The following ANKRD13D variants were observed in gnomAD, a reference collection of about 807,000 sequenced individuals.
ANKRD13D encodes ankyrin repeat domain 13D.
In ANKRD13D, 24 loss-of-function variants were observed where a neutral mutation model predicts 68.8. The observed-to-expected ratio is 0.35, with a 90% CI of 0.25 to 0.49. ANKRD13D has a LOEUF of 0.49. Ranked by LOEUF, ANKRD13D falls within the 20% of genes least tolerant of loss-of-function variation. ANKRD13D has a pLI of 0.99. For synonymous variants in ANKRD13D, 331 were observed against 336.1 expected (o/e 0.98, Z 0.16); for missense variants, 735 against 832.1 (o/e 0.88, Z 1.44).
In ANKRD13D at chr11:67,289,387, C is replaced by T. The variant is rs1231023296; in HGVS notation, c.-74C>T. The T allele has an allele frequency of 9.6e-6, 11 of 1,141,482 alleles. No homozygotes were observed. Among genetic ancestry groups the T allele is most frequent in the Admixed American group, 9.1e-5 (2 of 22,048 alleles). 70.7% of individuals were successfully genotyped at this position (1,141,482 alleles called of 1,614,324 possible). On this transcript the variant is annotated 5_prime_UTR_variant, in exon 1 of 15. Coordinates refer to ENST00000511455, the MANE Select transcript of ANKRD13D (RefSeq NM_207354.3). ...CGCGGGGGGCGCAGCTGGGGCGCGG[C>T]TCGGAGGGGAGGCTAGGGGGCCGTG...
Position 67,301,332 on chromosome 11 carries a change from T to C in ANKRD13D, c.1282T>C (p.Cys428Arg). 1 of 1,613,856 alleles carries C rather than the reference T, an allele frequency of 6.2e-7. No homozygotes were observed. Among genetic ancestry groups the C allele is most frequent in the Non-Finnish European group, 8.5e-7 (1 of 1,179,908 alleles). ...LNARITFSNL[C>R]GCDEPLSSVW... ...TGCCCGCATCACCTTCAGCAACCTG[T>C]GTGGCTGTGATGAGCCCCTGAGCTC... Residue 428 changes from cysteine to arginine, a missense_variant, in exon 12 of 15, where the codon TGT becomes CGT. Transcript: ENST00000511455. The surrounding 1 kb of genome is among the most constrained non-coding windows in gnomAD (Gnocchi z 4.5).
At chr11:67,289,807 G>T in intron 1 of ANKRD13D, 2 of 1,422,718 alleles carry the variant, frequency 1.4e-6, no homozygotes, top group Non-Finnish European at 1.8e-6. Context: ...CTGAGAACAA[G>T]AACTCTGGTC....
rs370090490 is a variant in ANKRD13D at position 67,302,299 on chromosome 11, G to A, written c.1785G>A (p.Gln595=). Residue 595 remains glutamine, a synonymous_variant, in exon 15 of 15, where the codon CAG becomes CAA. Transcript: ENST00000511455. ...GGCAGCAGGAGGAGGAGGACTTACA[G>A]CGGATCCTGCAGCTGTCACTCACTG... ...RRGQQEEEDL[Q]RILQLSLTEH 13 of 1,553,552 alleles carry A rather than the reference G, an allele frequency of 8.4e-6. No individual in the cohort carries two copies. The highest frequency in any genetic ancestry group is 1.4e-5 in the African/African-American group (1 of 73,686).
At position 67,300,364 on chromosome 11, in the gene ANKRD13D, A is replaced by C. The variant is rs547839566; in HGVS notation, c.1073+241A>C. On this transcript the variant is annotated intron_variant, in intron 10 of 14. Transcript: ENST00000511455. This position sits in a 1 kb window ranked among gnomAD's most constrained non-coding sequence, Gnocchi z 4.3. ...TGGTGCCACCCATGTATGGTTTTCT[A>C]TTGAATTTCATGAGTACCTGCTGGG... 3 of 538,592 alleles carry C rather than the reference A, an allele frequency of 5.6e-6. No individual in the cohort carries two copies. Among genetic ancestry groups the C allele is most frequent in the Non-Finnish European group, 6.4e-6 (2 of 312,452 alleles). The allele number at this position is 538,592 out of a possible 1,614,324, so 33.4% of individuals were successfully genotyped here.
At position 67,289,466 on chromosome 11, in the gene ANKRD13D, C is replaced by T; in HGVS notation, c.6C>T (p.Ala2=). The T allele has an allele frequency of 1.3e-6, 2 of 1,494,336 alleles. No homozygotes were observed. Among genetic ancestry groups the T allele is most frequent in the South Asian group, 2.5e-5 (2 of 79,768 alleles). 92.6% of individuals were successfully genotyped at this position (1,494,336 alleles called of 1,614,324 possible). The change falls in exon 1 of 15, where the codon GCC becomes GCT. Residue 2 remains alanine (A), a synonymous_variant. Coordinates refer to ENST00000511455, the MANE Select transcript of ANKRD13D (RefSeq NM_207354.3). The stretch of plus-strand genomic sequence containing the variant: ...ATGCGGCGCTGAGGCCCAGCATGGC[C>T]GGCCCGGGCCCCACCTTCCCGCTGC... M[A]GPGPTFPLHR...
rs1860931453 is a variant in ANKRD13D, at chr11:67,300,346, A to C, written c.1073+223A>C. The stretch of plus-strand genomic sequence containing the variant: ...TTGTCTTTGATGAATGGATGGTGCC[A>C]CCCATGTATGGTTTTCTATTGAATT... On this transcript the variant is annotated intron_variant, in intron 10 of 14. Coordinates refer to ENST00000511455, the MANE Select transcript of ANKRD13D (RefSeq NM_207354.3). This position sits in a 1 kb window ranked among gnomAD's most constrained non-coding sequence, Gnocchi z 4.3. 3.4e-6 allele frequency: 2 copies of C among 587,960 alleles called. No homozygotes were observed. Among genetic ancestry groups the C allele is most frequent in the Non-Finnish European group, 5.8e-6 (2 of 347,302 alleles). The allele number at this position is 587,960 out of a possible 1,614,324, so 36.4% of individuals were successfully genotyped here.
chr11:67,299,869 A>G lies in ANKRD13D; in HGVS notation c.923A>G (p.Gln308Arg), dbSNP rs761426012. The G allele has an allele frequency of 1.3e-6, 2 of 1,543,344 alleles. No individual in the cohort carries two copies. The highest frequency in any genetic ancestry group is 1.7e-6 in the Non-Finnish European group (2 of 1,143,960). The change falls in exon 9 of 15, where the codon CAG becomes CGG. Residue 308 changes from glutamine to arginine, a missense_variant. Gln to Arg is a conservative substitution (Grantham distance 43). Transcript: ENST00000511455. This position sits in a 1 kb window ranked among gnomAD's most constrained non-coding sequence, Gnocchi z 6.2. ...PFQSFLGMAQQHSSHTGAPVQ... is the reference protein window; with the variant it reads ...PFQSFLGMAQRHSSHTGAPVQ... ...CAGTCCTTCCTGGGGATGGCGCAGC[A>G]GCATTCCTCCCACACCGGGGTGAGC... is the stretch of plus-strand genomic sequence containing the variant.
Position 67,301,952 on chromosome 11 carries a change from C to G in ANKRD13D, c.1604+129C>G. On this transcript the variant is annotated intron_variant, in intron 14 of 14. Coordinates refer to ENST00000511455, the MANE Select transcript of ANKRD13D (RefSeq NM_207354.3). This position sits in a 1 kb window ranked among gnomAD's most constrained non-coding sequence, Gnocchi z 4.5. ...CACCCTCTGTCAGCAGCGCTATCTG[C>G]CACCAAAGGTGGTGTGAGGGGTGGG... is the stretch of plus-strand genomic sequence containing the variant. 1 of 1,330,102 alleles carries G rather than the reference C, an allele frequency of 7.5e-7. No homozygotes were observed. The highest frequency in any genetic ancestry group is 1.5e-5 in the South Asian group (1 of 67,014). 82.4% of individuals were successfully genotyped at this position (1,330,102 alleles called of 1,614,324 possible).
In ANKRD13D at chr11:67,301,084, C is replaced by T. The variant is rs372128375; in HGVS notation, c.1168C>T (p.His390Tyr). 1.2e-6 allele frequency: 2 copies of T among 1,614,104 alleles called. No individual in the cohort carries two copies. The highest frequency in any genetic ancestry group is 1.7e-5 in the Admixed American group (1 of 60,024). Residue 390 changes from histidine to tyrosine, a missense_variant, in exon 11 of 15, where the codon CAC becomes TAC. Coordinates refer to ENST00000511455, the MANE Select transcript of ANKRD13D (RefSeq NM_207354.3). The surrounding 1 kb of genome is among the most constrained non-coding windows in gnomAD (Gnocchi z 4.5). ...CGACCTAATGGCCATCAGCAACGCT[C>T]ACTTTGCCAAGCTGCGCGACTTCAT... ...IIDLMAISNA[H>Y]FAKLRDFITL... is the part of the protein sequence containing the mutation.
At chr11:67,298,538 A>T in intron 6 of ANKRD13D, 1 of 160,130 alleles carries the variant, frequency 6.2e-6, no homozygotes, top group Admixed American at 5.9e-5. Context: ...TCTATCCCTT[A>T]TTGAAAGTGG....
At chr11:67,302,007 T>C in intron 14 of ANKRD13D, 112 bp from the exon 15 acceptor site, 1 of 1,392,682 alleles carries the variant, frequency 7.2e-7, no homozygotes, top group Non-Finnish European at 9.6e-7. Flanking sequence ...TCTCCTCTGC[T>C]TGCCACCCTG....
In ANKRD13D at chr11:67,301,331, G is replaced by T; in HGVS notation, c.1281G>T (p.Leu427=). 6.2e-7 allele frequency: 1 copy of T among 1,613,826 alleles called. No individual in the cohort carries two copies. The highest frequency in any genetic ancestry group is 8.5e-7 in the Non-Finnish European group (1 of 1,179,914). Residue 427 remains leucine (L), a synonymous_variant, in exon 12 of 15, where the codon CTG becomes CTT. Transcript: ENST00000511455. The surrounding 1 kb of genome is among the most constrained non-coding windows in gnomAD (Gnocchi z 4.5). ...ATGCCCGCATCACCTTCAGCAACCT[G>T]TGTGGCTGTGATGAGCCCCTGAGCT... ...VLNARITFSN[L]CGCDEPLSSV...
chr11:67,289,817 C>T, intron 1 of ANKRD13D: 1 of 1,425,710 alleles, frequency 7.0e-7, no homozygotes, highest in Non-Finnish European at 9.1e-7. Flanking sequence ...GAACTCTGGT[C>T]CTGGTCCCCA....
Position 67,299,976 on chromosome 11 carries a change from C to G in ANKRD13D, c.943-17C>G, listed in dbSNP as rs369999370. ...TCTGTCACCTTGATGGCTGAGTCCG[C>G]CCTGGGACCCACGCAGGCCCCCGTG... On this transcript the variant is annotated splice_polypyrimidine_tract_variant and intron_variant, in intron 9 of 14. Transcript: ENST00000511455. The surrounding 1 kb of genome is among the most constrained non-coding windows in gnomAD (Gnocchi z 6.2). 6.2e-7 allele frequency: 1 copy of G among 1,608,492 alleles called. No homozygotes were observed. Among genetic ancestry groups the G allele is most frequent in the Non-Finnish European group, 8.5e-7 (1 of 1,176,688 alleles).
intron 2 of ANKRD13D, 25 bp from the exon 3 acceptor site, chr11:67,290,297 C>A: frequency 1.3e-6 from 2 of 1,547,782 alleles, no homozygotes; most frequent in Non-Finnish European, 1.7e-6. Flanking sequence ...CTGGAGGGCT[C>A]CCCTCAGCAG....
In ANKRD13D at chr11:67,301,915, C is replaced by G. The variant is rs1256131342; in HGVS notation, c.1604+92C>G. The G allele has an allele frequency of 2.8e-6, 4 of 1,416,692 alleles. No individual in the cohort carries two copies. The highest frequency in any genetic ancestry group is 3.8e-6 in the Non-Finnish European group (4 of 1,058,784). The allele number at this position is 1,416,692 out of a possible 1,614,324, so 87.8% of individuals were successfully genotyped here. The stretch of plus-strand genomic sequence containing the variant: ...GCAGGAAGGTGCTAGGACCCCAGGC[C>G]CTCTGCAAGGCCACCCTCTGTCAGC... On this transcript the variant is annotated intron_variant, in intron 14 of 14. Coordinates refer to ENST00000511455, the MANE Select transcript of ANKRD13D (RefSeq NM_207354.3). The surrounding 1 kb of genome is among the most constrained non-coding windows in gnomAD (Gnocchi z 4.5).
At position 67,302,466 on chromosome 11, in the gene ANKRD13D, T is replaced by TA. The variant is rs1308664326; in HGVS notation, c.*137dup. ...CAGGCAGGGGAGACTGAGATGGAAA[T>TA]AAAGAGACTGTCGCAGCAGGGCTGC... On this transcript the variant is annotated 3_prime_UTR_variant, in exon 15 of 15. Coordinates refer to ENST00000511455, the MANE Select transcript of ANKRD13D (RefSeq NM_207354.3). 1 of 1,310,192 alleles carries TA rather than the reference T, an allele frequency of 7.6e-7. No individual in the cohort carries two copies. Among genetic ancestry groups the TA allele is most frequent in the Admixed American group, 2.9e-5 (1 of 34,042 alleles). 81.2% of individuals were successfully genotyped at this position (1,310,192 alleles called of 1,614,324 possible). A position where few individuals can be genotyped will look rare whatever the true frequency, so the allele number is the denominator to read the frequency against.
At position 67,301,212 on chromosome 11, in the gene ANKRD13D, T is replaced by C. The variant is rs1860971732; in HGVS notation, c.1231+65T>C. The C allele has an allele frequency of 6.3e-7, 1 of 1,598,282 alleles. No individual in the cohort carries two copies. Among genetic ancestry groups the C allele is most frequent in the Admixed American group, 1.7e-5 (1 of 59,186 alleles). On this transcript the variant is annotated intron_variant, in intron 11 of 14. Transcript: ENST00000511455. This position sits in a 1 kb window ranked among gnomAD's most constrained non-coding sequence, Gnocchi z 4.5. ...TGGCACCCTCCCTCAGCGCAGTCCC[T>C]GGAGAGCTGCAGGGGCCGGAGGCAC...
Position 67,292,104 on chromosome 11 carries a change from G to C in ANKRD13D, c.655G>C (p.Glu219Gln). ...ETLLAAMRPS[E>Q]EHVASRLTSP... ...ACTGCTGGCCGCCATGCGGCCCAGC[G>C]AGGAGCATGTGGCCAGTCGCCTCAC... The change falls in exon 6 of 15, where the codon GAG becomes CAG. Residue 219 changes from glutamate to glutamine, a missense_variant. Glu to Gln is a conservative substitution (Grantham distance 29). Transcript: ENST00000511455. 1 of 1,612,680 alleles carries C rather than the reference G, an allele frequency of 6.2e-7. No homozygotes were observed. Among genetic ancestry groups the C allele is most frequent in the Non-Finnish European group, 8.5e-7 (1 of 1,179,038 alleles).
Sources: allele counts gnomAD v4.1 joint callset, GRCh38; gene constraint gnomAD v4.1.1; non-coding constraint Gnocchi (gnomAD v3.1); transcripts MANE v1.5; gene names NCBI Gene and HGNC (gene_info 2026-07-23, HGNC 2026-07-21).